The following SLC39A11 variants were observed in gnomAD, a reference collection of about 807,000 sequenced individuals.
SLC39A11 encodes solute carrier family 39 member 11, also known as zinc transporter ZIP11.
In SLC39A11, 33 loss-of-function variants were observed where a neutral mutation model predicts 36.1. The observed-to-expected ratio is 0.91, with a 90% CI of 0.69 to 1.22. SLC39A11 has a LOEUF of 1.22. SLC39A11 is among the 50% of genes most tolerant of loss of function. The pLI is 0.00. For synonymous variants in SLC39A11, 166 were observed against 170.3 expected, an observed-to-expected ratio of 0.97 and a Z score of 0.20; for missense variants, 432 against 430.3, an observed-to-expected ratio of 1.00 and a Z score of -0.03.
chr17:72,768,098 G>C (rs1480627467), intron 6 of SLC39A11, among the ~76,000 whole-genome samples: 1 of 152,140 alleles, frequency 6.6e-6, no homozygotes, highest in Non-Finnish European at 1.5e-5. Context: ...GGAGCTATCA[G>C]GTCCAGGTGG....
At chr17:72,835,894 A>G (rs571787428) in intron 6 of SLC39A11, among the ~76,000 whole-genome samples, 2 of 152,354 alleles carry the variant, frequency 1.3e-5, no homozygotes, top group East Asian at 3.9e-4. Context: ...TGGTGGCTCC[A>G]GGATCCAAGT....
rs200487169 is a variant in SLC39A11 at position 72,892,680 on chromosome 17, A to T, written c.431-42876T>A. Among the ~76,000 whole-genome samples, 20 of 152,330 alleles carry T rather than the reference A, an allele frequency of 1.3e-4. No homozygotes were observed. The East Asian group carries it at 3.9e-3, about 29-fold the overall frequency. The stretch of plus-strand genomic sequence containing the variant: ...GTTCCAGGGCTAAAAGATGCTATCA[A>T]TTTCTGTTGATTCTAGGTGAGATAA... On this transcript the variant is annotated intron_variant, in intron 5 of 9. Coordinates refer to ENST00000255559, the MANE Select transcript of SLC39A11 (RefSeq NM_139177.4).
chr17:72,869,858 G>C (rs772758617), intron 5 of SLC39A11, among the ~76,000 whole-genome samples: 1 of 152,098 alleles, frequency 6.6e-6, no homozygotes, highest in Non-Finnish European at 1.5e-5. Flanking sequence ...AACCAGAACT[G>C]TCTCTCCCCT....
At chr17:72,837,180 C>T (rs568797875) in intron 6 of SLC39A11, among the ~76,000 whole-genome samples, 1 of 152,196 alleles carries the variant, frequency 6.6e-6, no homozygotes, top group East Asian at 1.9e-4. Context: ...CTGCAGCTGT[C>T]CGCAGACTTT....
At chr17:72,729,406 TA>T (rs1399046062) in intron 7 of SLC39A11, among the ~76,000 whole-genome samples, 1,174 of 3,984 alleles carry the variant, frequency 0.29, 113 homozygotes, top group Middle Eastern at 0.38. Flanking sequence ...CCTGGCTATT[TA>T]TATATATATA....
intron 5 of SLC39A11, among the ~76,000 whole-genome samples, chr17:72,929,978 G>C (rs2084281705): frequency 1.3e-5 from 2 of 152,174 alleles, no homozygotes; most frequent in African/African-American, 4.8e-5. Flanking sequence ...ATTAAATGGG[G>C]ATCCAAAGTA....
At chr17:72,864,352 T>C (rs1322943987) in intron 5 of SLC39A11, among the ~76,000 whole-genome samples, 8 of 151,722 alleles carry the variant, frequency 5.3e-5, no homozygotes, top group African/African-American at 1.9e-4. Context: ...AATTCTGATC[T>C]TGTCTAGAGC....
chr17:72,956,388 C>G (rs2086250395), intron 4 of SLC39A11, among the ~76,000 whole-genome samples: 1 of 152,168 alleles, frequency 6.6e-6, no homozygotes, highest in Admixed American at 6.5e-5. Context: ...GCAGATAGCC[C>G]TCCAGTAGCC....
intron 3 of SLC39A11, among the ~76,000 whole-genome samples, chr17:73,074,229 A>T (rs1599155445): frequency 6.6e-6 from 1 of 151,806 alleles, no homozygotes; most frequent in Non-Finnish European, 1.5e-5. Context: ...TCCCTCAATC[A>T]TATTTACTCT....
At chr17:73,064,578 T>C (rs1323334750) in intron 3 of SLC39A11, among the ~76,000 whole-genome samples, 1 of 152,118 alleles carries the variant, frequency 6.6e-6, no homozygotes, top group African/African-American at 2.4e-5. Flanking sequence ...ACACTCTCTT[T>C]ATTACTGTGT....
At chr17:73,076,553 G>A (rs2060325903) in intron 3 of SLC39A11, among the ~76,000 whole-genome samples, 1 of 152,162 alleles carries the variant, frequency 6.6e-6, no homozygotes, top group Admixed American at 6.5e-5. Flanking sequence ...AGACATCTGT[G>A]CAAGGTACAA....
At chr17:72,884,057 A>G (rs1248705014) in intron 5 of SLC39A11, among the ~76,000 whole-genome samples, 1 of 152,180 alleles carries the variant, frequency 6.6e-6, no homozygotes, top group Middle Eastern at 3.2e-3. Flanking sequence ...TGGGAGGCTG[A>G]AGTGGGAGGA....
chr17:72,884,861 C>T (rs1409568799), intron 5 of SLC39A11, among the ~76,000 whole-genome samples: 2 of 152,190 alleles, frequency 1.3e-5, no homozygotes, highest in African/African-American at 4.8e-5. Context: ...GACAAGGGAA[C>T]TCTAAAGCTC....
At chr17:72,788,831 G>A (rs1225135250) in intron 6 of SLC39A11, among the ~76,000 whole-genome samples, 1 of 152,220 alleles carries the variant, frequency 6.6e-6, no homozygotes, top group African/African-American at 2.4e-5. Flanking sequence ...TCAGTGGAGA[G>A]TATGAGGCAT....
At chr17:72,872,388 C>G (rs1392009015) in intron 5 of SLC39A11, among the ~76,000 whole-genome samples, 4 of 152,146 alleles carry the variant, frequency 2.6e-5, no homozygotes, top group Non-Finnish European at 5.9e-5. Flanking sequence ...CTGCCAGATT[C>G]TCAGATTCGA....
intron 6 of SLC39A11, among the ~76,000 whole-genome samples, chr17:72,770,010 G>T (rs931554231): frequency 6.6e-6 from 1 of 152,136 alleles, no homozygotes; most frequent in Admixed American, 6.5e-5. Context: ...TACATCTATT[G>T]ATTGGCGTCT....
At chr17:72,919,563 T>A (rs982908587) in intron 5 of SLC39A11, among the ~76,000 whole-genome samples, 20 of 150,176 alleles carry the variant, frequency 1.3e-4, no homozygotes, top group African/African-American at 4.9e-4. Context: ...TCCCAGCTAC[T>A]CGGGGGGCTG....
intron 6 of SLC39A11, among the ~76,000 whole-genome samples, chr17:72,741,021 G>A (rs779615734): frequency 8.6e-5 from 13 of 151,884 alleles, no homozygotes; most frequent in Admixed American, 4.6e-4. Context: ...TGATCTGTCC[G>A]CTTTGGCCTC....
At chr17:72,700,065 A>C (rs1598385436) in intron 7 of SLC39A11, among the ~76,000 whole-genome samples, 1 of 147,320 alleles carries the variant, frequency 6.8e-6, no homozygotes, top group South Asian at 2.1e-4. Context: ...TGGGAGACGA[A>C]GGTTGAATGT....
Sources: gnomAD v4.1 joint callset for allele counts (sites outside exome capture counted in the v4.1 genomes callset) on GRCh38, gnomAD v4.1.1 for gene constraint, MANE v1.5 for transcripts, NCBI Gene and HGNC (gene_info 2026-07-23, HGNC 2026-07-21) for gene names.